The following FAR2 variants were observed in gnomAD, a reference collection of about 807,000 sequenced individuals.
The protein encoded by FAR2 is fatty acyl-CoA reductase 2.
A neutral mutation model predicts 56.0 loss-of-function variants in FAR2; 19 were observed. The ratio of observed to expected loss-of-function variants is 0.34; its 90% CI spans 0.24 to 0.50. The LOEUF (loss-of-function observed/expected upper bound fraction) is 0.50. Among genes scored for constraint, FAR2 ranks in the 20% least tolerant of loss-of-function variants. FAR2 has a pLI of 0.98. For missense variants in FAR2, 508 were observed against 642.2 expected (o/e 0.79, Z 2.26); for synonymous variants, 219 against 218.8 (o/e 1.00, Z -0.01).
At chr12:29,276,143 A>G (rs1948702387) in intron 2 of FAR2, among the ~76,000 whole-genome samples, 2 of 152,134 alleles carry the variant, frequency 1.3e-5, no homozygotes, top group African/African-American at 4.8e-5. Context: ...TTATCTGTAA[A>G]ATGCTGTAAT....
chr12:29,186,354 CTTCAGCTGACTCCGTCTACTG>C (rs1214101204), intron 1 of FAR2, among the ~76,000 whole-genome samples: 1 of 152,212 alleles, frequency 6.6e-6, no homozygotes, highest in East Asian at 1.9e-4. Flanking sequence ...GAGTGCAGGA[CTTCAGCTGACTCCGTCTACTG>C]TTCCTGTCAC....
chr12:29,231,458 T>C (rs1045002317), intron 1 of FAR2, among the ~76,000 whole-genome samples: 2 of 152,182 alleles, frequency 1.3e-5, no homozygotes, highest in Non-Finnish European at 2.9e-5. Context: ...TTAAGATGCC[T>C]ATGTAAAATC....
intron 1 of FAR2, among the ~76,000 whole-genome samples, chr12:29,226,454 C>T (rs1947770022): frequency 6.6e-6 from 1 of 152,102 alleles, no homozygotes; most frequent in South Asian, 2.1e-4. Context: ...TAATAAAGTA[C>T]CTCTAAGCAG....
chr12:29,281,831 T>C (rs766745178), intron 2 of FAR2, among the ~76,000 whole-genome samples: 97 of 151,166 alleles, frequency 6.4e-4, no homozygotes, highest in Middle Eastern at 3.5e-3. Flanking sequence ...CTGAACCAGA[T>C]GTGGAGGATT....
chr12:29,297,142 A>T lies in FAR2; in HGVS notation c.487A>T (p.Ile163Phe). ...TAYSNCNLKH[I>F]DEVIYPCPVE... is the part of the protein sequence containing the mutation. ...CTATTCAAATTGTAACCTGAAGCAC[A>T]TCGATGAAGTTATCTATCCGTGCCC... The change falls in exon 4 of 12, where the codon ATC becomes TTC. Residue 163 changes from isoleucine (I) to phenylalanine (F), a missense_variant. Coordinates refer to ENST00000536681, the MANE Select transcript of FAR2 (RefSeq NM_001271783.2). The T allele has an allele frequency of 6.2e-7, 1 of 1,614,052 alleles. No homozygotes were observed. The highest frequency in any genetic ancestry group is 8.5e-7 in the Non-Finnish European group (1 of 1,179,976).
chr12:29,167,315 C>T (rs1949839165), intron 1 of FAR2, among the ~76,000 whole-genome samples: 1 of 152,122 alleles, frequency 6.6e-6, no homozygotes, highest in Non-Finnish European at 1.5e-5. Flanking sequence ...GCCTCACACT[C>T]CACAGAGAAA....
At chr12:29,301,259 G>A (rs1260568545) in intron 4 of FAR2, among the ~76,000 whole-genome samples, 6 of 152,120 alleles carry the variant, frequency 3.9e-5, no homozygotes, top group Non-Finnish European at 7.3e-5. Flanking sequence ...AGTGTTTAGC[G>A]ACTCATTTTC....
intron 1 of FAR2, among the ~76,000 whole-genome samples, chr12:29,164,603 G>T (rs1462765675): frequency 6.6e-6 from 1 of 152,148 alleles, no homozygotes; most frequent in Admixed American, 6.5e-5. Flanking sequence ...GGGAAAAGGA[G>T]AAGGGCATAT....
Position 29,217,296 on chromosome 12 carries a change from C to A in FAR2, c.-38-53116C>A, listed in dbSNP as rs78906594. The stretch of plus-strand genomic sequence containing the variant: ...GGAAGGTGGAGAATCTGGCTTGAGA[C>A]CTTTCTGAAGAAAGGAGAAACAAGT... On this transcript the variant is annotated intron_variant, in intron 1 of 11. Coordinates refer to ENST00000536681, the MANE Select transcript of FAR2 (RefSeq NM_001271783.2). Among the ~76,000 whole-genome samples, 548 of 152,258 alleles carry A rather than the reference C, an allele frequency of 3.6e-3. 17 individuals are homozygous for A. The East Asian group carries it at 0.07, about 19-fold the overall frequency.
chr12:29,307,475 TG>T (rs75909823), intron 4 of FAR2, among the ~76,000 whole-genome samples, 182 bp from the exon 5 acceptor site: 10,412 of 152,156 alleles, frequency 0.068, 408 homozygotes, highest in South Asian at 0.11. Flanking sequence ...GGCTTAGCAG[TG>T]AAGAGCAAAA....
At chr12:29,200,804 A>G (rs4105126) in intron 1 of FAR2, among the ~76,000 whole-genome samples, 112,479 of 152,158 alleles carry the variant, frequency 0.74, 43,610 homozygotes, top group East Asian at 0.91. Flanking sequence ...GAAGCCCACA[A>G]TGTCAATTAC....
chr12:29,294,422 A>G (rs1949021813), intron 3 of FAR2, among the ~76,000 whole-genome samples: 1 of 151,806 alleles, frequency 6.6e-6, no homozygotes, highest in Non-Finnish European at 1.5e-5. Context: ...ATCTTGGCTC[A>G]CTGCAACCTC....
intron 1 of FAR2, among the ~76,000 whole-genome samples, chr12:29,208,862 G>A (rs911950251): frequency 9.9e-5 from 15 of 152,108 alleles, no homozygotes; most frequent in Non-Finnish European, 1.9e-4. Flanking sequence ...TTAGTAGTGC[G>A]GGGAAAATGA....
At chr12:29,295,562 A>G (rs1949050608) in intron 3 of FAR2, among the ~76,000 whole-genome samples, 1 of 151,904 alleles carries the variant, frequency 6.6e-6, no homozygotes, top group Non-Finnish European at 1.5e-5. Flanking sequence ...AACATTTAGT[A>G]TATTTAAAAT....
At chr12:29,305,480 T>G (rs899283132) in intron 4 of FAR2, among the ~76,000 whole-genome samples, 11 of 152,208 alleles carry the variant, frequency 7.2e-5, no homozygotes. Context: ...CAAAGATGCA[T>G]GCTCACTGGT....
At chr12:29,233,573 A>C (rs1054802953) in intron 1 of FAR2, among the ~76,000 whole-genome samples, 2 of 152,224 alleles carry the variant, frequency 1.3e-5, no homozygotes, top group Non-Finnish European at 2.9e-5. Flanking sequence ...ACACCAAATT[A>C]GTAGATGTCT....
intron 1 of FAR2, among the ~76,000 whole-genome samples, chr12:29,221,773 G>T (rs1947695126): frequency 6.6e-6 from 1 of 152,144 alleles, no homozygotes; most frequent in South Asian, 2.1e-4. Context: ...GTCATCCTGA[G>T]TTGACTTTAA....
chr12:29,287,176 TTGAA>T (rs1352970508), intron 2 of FAR2, among the ~76,000 whole-genome samples: 1 of 152,210 alleles, frequency 6.6e-6, no homozygotes, highest in Non-Finnish European at 1.5e-5. Context: ...CTAATAACTG[TTGAA>T]TGAGAATCTT....
intron 1 of FAR2, among the ~76,000 whole-genome samples, chr12:29,198,819 C>T (rs928378496): frequency 2.0e-5 from 3 of 152,134 alleles, no homozygotes; most frequent in Admixed American, 2.0e-4. Context: ...CCCCTCATCG[C>T]ACCCCCTGCC....
Sources: gnomAD v4.1 joint callset for allele counts (sites outside exome capture counted in the v4.1 genomes callset) on GRCh38, gnomAD v4.1.1 for gene constraint, MANE v1.5 for transcripts, NCBI Gene and HGNC (gene_info 2026-07-23, HGNC 2026-07-21) for gene names.